NRXN1: variants seen among roughly 807,000 people sequenced by gnomAD.
NRXN1 encodes neurexin-1.
NRXN1 carries 39 observed loss-of-function variants against 150.9 expected under a neutral mutation model. The ratio of observed to expected loss-of-function variants is 0.26; its 90% CI spans 0.20 to 0.34. The LOEUF (loss-of-function observed/expected upper bound fraction) is 0.34. Ranked by LOEUF, NRXN1 falls within the 10% of genes least tolerant of loss-of-function variation. The pLI, the probability that NRXN1 is intolerant of heterozygous loss-of-function variation, is 1.00. For missense variants in NRXN1, 1,815 were observed against 1,949.9 expected, an observed-to-expected ratio of 0.93 and a Z score of 1.30; for synonymous variants, 924 against 757.0, an observed-to-expected ratio of 1.22 and a Z score of -3.62.
At chr2:50,534,531 A>C (rs1278725613) in intron 10 of NRXN1, among the ~76,000 whole-genome samples, 2 of 152,150 alleles carry the variant, frequency 1.3e-5, no homozygotes, top group Non-Finnish European at 2.9e-5. Flanking sequence ...CCTGAGTGTA[A>C]AGTTATAGTG....
At chr2:50,638,858 T>C (rs1683619098) in intron 5 of NRXN1, among the ~76,000 whole-genome samples, 2 of 152,150 alleles carry the variant, frequency 1.3e-5, no homozygotes, top group Admixed American at 1.3e-4. Context: ...ACTATACAAG[T>C]TAAAGAGATC....
chr2:50,651,916 A>C (rs1246296577), intron 5 of NRXN1, among the ~76,000 whole-genome samples: 1 of 152,032 alleles, frequency 6.6e-6, no homozygotes, highest in South Asian at 2.1e-4. Context: ...CACTCTATGA[A>C]TAATGAACCC....
rs186781101 is a variant in NRXN1 at position 50,688,196 on chromosome 2, C to A, written c.833-64581G>T. ...ACAATGCACAAATCAGAACCCTAAC[C>A]CAACGTTTCTTTTCCTGAGACTAAT... On this transcript the variant is annotated intron_variant, in intron 5 of 22. Transcript: ENST00000401669. Among the ~76,000 whole-genome samples, 508 of 152,232 alleles carry A rather than the reference C, an allele frequency of 3.3e-3. 3 individuals are homozygous for A. The highest frequency in any genetic ancestry group is 0.011 in the African/African-American group (455 of 41,544).
At chr2:50,640,573 T>C (rs1407589522) in intron 5 of NRXN1, among the ~76,000 whole-genome samples, 2 of 152,292 alleles carry the variant, frequency 1.3e-5, no homozygotes, top group Non-Finnish European at 2.9e-5. Flanking sequence ...ACTCTCAAGC[T>C]TTCTTTGTAA....
chr2:51,022,059 C>G (rs1032512323), intron 2 of NRXN1, among the ~76,000 whole-genome samples: 4 of 151,912 alleles, frequency 2.6e-5, no homozygotes, highest in Admixed American at 2.0e-4. Context: ...AAACTTTAGG[C>G]AGGTAATGGA....
intron 16 of NRXN1, among the ~76,000 whole-genome samples, chr2:50,470,055 A>G (rs542525480): frequency 3.3e-5 from 5 of 151,712 alleles, no homozygotes; most frequent in South Asian, 4.2e-4. Flanking sequence ...CTTATTTTCT[A>G]TCTCATTGGG....
intron 2 of NRXN1, among the ~76,000 whole-genome samples, chr2:50,997,494 G>A (rs1413239073): frequency 9.3e-6 from 1 of 107,962 alleles, no homozygotes; most frequent in South Asian, 3.0e-4. Flanking sequence ...TTAAATATTT[G>A]AAGGGGAAAA....
intron 18 of NRXN1, among the ~76,000 whole-genome samples, chr2:50,148,508 A>G (rs1213576808): frequency 6.6e-6 from 1 of 151,692 alleles, no homozygotes; most frequent in Non-Finnish European, 1.5e-5. Context: ...CATGTCATCA[A>G]TCTAATCACC....
intron 10 of NRXN1, among the ~76,000 whole-genome samples, chr2:50,533,281 T>G (rs1411293957): frequency 3.9e-5 from 6 of 152,202 alleles, no homozygotes; most frequent in Non-Finnish European, 8.8e-5. Context: ...TCCTGAGCTG[T>G]AGCATTCATT....
At chr2:50,092,494 T>G (rs1239721672) in intron 18 of NRXN1, among the ~76,000 whole-genome samples, 1 of 152,088 alleles carries the variant, frequency 6.6e-6, no homozygotes, top group Non-Finnish European at 1.5e-5. Context: ...TCTTCAAACC[T>G]CAGTTGAGAG....
intron 5 of NRXN1, among the ~76,000 whole-genome samples, chr2:50,870,426 T>C (rs1397013703): frequency 6.6e-6 from 1 of 151,868 alleles, no homozygotes; most frequent in African/African-American, 2.4e-5. Flanking sequence ...GCCTTCTGAG[T>C]AGCTGGGACT....
At chr2:50,563,123 T>C (rs1364536389) in intron 8 of NRXN1, among the ~76,000 whole-genome samples, 1 of 152,200 alleles carries the variant, frequency 6.6e-6, no homozygotes, top group Non-Finnish European at 1.5e-5. Context: ...TCTTCTGTAT[T>C]GACAAAATAA....
chr2:50,643,133 T>A (rs1027554059), intron 5 of NRXN1, among the ~76,000 whole-genome samples: 1 of 151,958 alleles, frequency 6.6e-6, no homozygotes, highest in African/African-American at 2.4e-5. Flanking sequence ...TAACTACAAA[T>A]GCATACAGGG....
At chr2:50,829,791 A>T in intron 5 of NRXN1, 4 of 1,510,106 alleles carry the variant, frequency 2.6e-6, no homozygotes, top group Non-Finnish European at 2.7e-6. Context: ...GTTTTTATTT[A>T]TGAAGTAACT....
At chr2:50,883,699 T>C (rs571236544) in intron 5 of NRXN1, among the ~76,000 whole-genome samples, 1 of 151,922 alleles carries the variant, frequency 6.6e-6, no homozygotes, top group South Asian at 2.1e-4. Context: ...ACAAGTATGA[T>C]TACTCACTGT....
intron 2 of NRXN1, among the ~76,000 whole-genome samples, chr2:50,945,305 C>T (rs1459292541): frequency 6.6e-6 from 1 of 152,070 alleles, no homozygotes; most frequent in East Asian, 1.9e-4. Context: ...AAAACCACAT[C>T]TCTACAAAAA....
At chr2:50,058,072 T>A (rs1165548162) in intron 19 of NRXN1, among the ~76,000 whole-genome samples, 1 of 152,192 alleles carries the variant, frequency 6.6e-6, no homozygotes, top group Non-Finnish European at 1.5e-5. Context: ...ATAAATACAT[T>A]CACACATACA....
intron 17 of NRXN1, among the ~76,000 whole-genome samples, chr2:50,323,752 G>C (rs2076201385): frequency 6.6e-6 from 1 of 152,144 alleles, no homozygotes; most frequent in African/African-American, 2.4e-5. Flanking sequence ...ATATGCCTAT[G>C]TGTATCTGTT....
intron 17 of NRXN1, among the ~76,000 whole-genome samples, chr2:50,256,640 C>T (rs1262894883): frequency 1.3e-5 from 2 of 152,096 alleles, no homozygotes; most frequent in Non-Finnish European, 1.5e-5. Context: ...ATCCACTTTA[C>T]TTTCTTTAAT....
Sources: allele counts gnomAD v4.1 joint callset (sites outside exome capture counted in the v4.1 genomes callset), GRCh38; gene constraint gnomAD v4.1.1; transcripts MANE v1.5; gene names NCBI Gene and HGNC (gene_info 2026-07-23, HGNC 2026-07-21).